The following PRKAG2 variants were observed in gnomAD, a reference collection of about 807,000 sequenced individuals.
The protein encoded by PRKAG2 is protein kinase AMP-activated non-catalytic subunit gamma 2.
PRKAG2 carries 26 observed loss-of-function variants against 69.6 expected under a neutral mutation model. The observed-to-expected ratio is 0.37, with a 90% CI of 0.27 to 0.52. The LOEUF (loss-of-function observed/expected upper bound fraction) is 0.52. PRKAG2 is among the 20% of genes least tolerant of loss of function. The pLI, the probability that PRKAG2 is intolerant of heterozygous loss-of-function variation, is 0.90. For synonymous variants in PRKAG2, 293 were observed against 285.0 expected (o/e 1.03, Z -0.28); for missense variants, 557 against 740.0 (o/e 0.75, Z 2.87).
At chr7:151,663,280 AAAG>A (rs1830581163) in intron 4 of PRKAG2, among the ~76,000 whole-genome samples, 9 of 152,296 alleles carry the variant, frequency 5.9e-5, no homozygotes, top group Admixed American at 5.2e-4. Context: ...AATCAGCCCA[AAAG>A]CAGAGTGTGT....
chr7:151,629,249 G>A (rs1039298426), intron 5 of PRKAG2, among the ~76,000 whole-genome samples: 10 of 152,116 alleles, frequency 6.6e-5, no homozygotes, highest in South Asian at 4.1e-4. Flanking sequence ...AAAGTTGGCC[G>A]GCCCATGTCC....
chr7:151,691,340 C>T (rs1307654972), intron 3 of PRKAG2, among the ~76,000 whole-genome samples: 1 of 151,790 alleles, frequency 6.6e-6, no homozygotes, highest in Non-Finnish European at 1.5e-5. Flanking sequence ...TATTTTTGAT[C>T]TGAATTGGTT....
intron 15 of PRKAG2, chr7:151,558,397 T>A: frequency 2.0e-6 from 2 of 985,434 alleles, no homozygotes; most frequent in Non-Finnish European, 2.4e-6. Context: ...ATGGCTTTTG[T>A]GCACGGCTTT....
At chr7:151,692,963 C>G (rs1860745) in intron 3 of PRKAG2, among the ~76,000 whole-genome samples, 1 of 151,992 alleles carries the variant, frequency 6.6e-6, no homozygotes, top group Non-Finnish European at 1.5e-5. Flanking sequence ...CTCCTGGAGA[C>G]AGCTGTGCTC....
At chr7:151,702,508 G>A (rs1011921429) in intron 3 of PRKAG2, among the ~76,000 whole-genome samples, 1 of 152,164 alleles carries the variant, frequency 6.6e-6, no homozygotes, top group Non-Finnish European at 1.5e-5. Flanking sequence ...CTGCCCACCC[G>A]CTTGCCTTCC....
At chr7:151,600,262 G>A (rs895183172) in intron 5 of PRKAG2, among the ~76,000 whole-genome samples, 3 of 152,158 alleles carry the variant, frequency 2.0e-5, no homozygotes, top group African/African-American at 4.8e-5. Context: ...AGCCCACACC[G>A]ATCTGTGCAT....
At chr7:151,675,729 G>A (rs1226784183) in intron 3 of PRKAG2, 92 bp from the exon 4 acceptor site, 3 of 1,269,954 alleles carry the variant, frequency 2.4e-6, no homozygotes, top group Non-Finnish European at 3.4e-6. Flanking sequence ...GAAGGGAGAT[G>A]GGGAGAGGTC....
At chr7:151,851,793 C>T (rs544623191) in intron 1 of PRKAG2, among the ~76,000 whole-genome samples, 1 of 152,234 alleles carries the variant, frequency 6.6e-6, no homozygotes, top group African/African-American at 2.4e-5. Context: ...GTCCAAAATG[C>T]CTTACTCTGT....
intron 3 of PRKAG2, among the ~76,000 whole-genome samples, chr7:151,733,779 C>G (rs1372975103): frequency 6.6e-6 from 1 of 151,904 alleles, no homozygotes; most frequent in Non-Finnish European, 1.5e-5. Context: ...TCACTGCAGC[C>G]TCCCCTCCCA....
intron 5 of PRKAG2, among the ~76,000 whole-genome samples, chr7:151,619,582 C>T (rs565017305): frequency 9.2e-5 from 14 of 151,958 alleles, no homozygotes; most frequent in African/African-American, 3.4e-4. Flanking sequence ...GTTTCATGCA[C>T]AAAGTTATTA....
At chr7:151,591,744 C>T (rs1813190594) in intron 6 of PRKAG2, among the ~76,000 whole-genome samples, 2 of 152,042 alleles carry the variant, frequency 1.3e-5, no homozygotes, top group African/African-American at 4.8e-5. Context: ...GCCTTAGGAC[C>T]CAGCAAGGTT....
In PRKAG2 at chr7:151,719,179, G is replaced by A. The variant is rs1034054315; in HGVS notation, c.467-43542C>T. On this transcript the variant is annotated intron_variant, in intron 3 of 15. Coordinates refer to ENST00000287878, the MANE Select transcript of PRKAG2 (RefSeq NM_016203.4). The surrounding 1 kb of genome is among the most constrained non-coding windows in gnomAD (Gnocchi z 5.2). ...AACCAGCTCAGCGGTGGAAGCAGTG[G>A]AAGTGCAGACAGAAAGCCCCATGGC... 5.9e-5 allele frequency among the ~76,000 whole-genome samples: 9 copies of A among 152,172 alleles called. No homozygotes were observed. The highest frequency in any genetic ancestry group is 2.2e-4 in the African/African-American group (9 of 41,452).
chr7:151,785,447 C>T (rs1055656203), intron 2 of PRKAG2, among the ~76,000 whole-genome samples: 12 of 152,244 alleles, frequency 7.9e-5, no homozygotes, highest in Non-Finnish European at 1.6e-4. Context: ...GCTGGATGGG[C>T]CACGAGAGCT....
intron 1 of PRKAG2, among the ~76,000 whole-genome samples, chr7:151,842,048 G>A (rs2079309210): frequency 7.0e-6 from 1 of 143,554 alleles, no homozygotes; most frequent in Non-Finnish European, 1.5e-5. Flanking sequence ...GGTAGTGATG[G>A]TAGGTAGGGA....
rs185312721 is a variant in PRKAG2, at chr7:151,693,992, C to T, written c.467-18355G>A. Among the ~76,000 whole-genome samples, 49 of 152,310 alleles carry T rather than the reference C, an allele frequency of 3.2e-4. No homozygotes were observed. The East Asian group carries it at 8.9e-3, about 28-fold the overall frequency. ...GTTCAAGCAATTCTTCTGCCTCAGCCTCCTGAGCAGCTGGGATTACAGTTG... is the reference window on the plus strand; with the variant it reads ...GTTCAAGCAATTCTTCTGCCTCAGCTTCCTGAGCAGCTGGGATTACAGTTG... On this transcript the variant is annotated intron_variant, in intron 3 of 15. Coordinates refer to ENST00000287878, the MANE Select transcript of PRKAG2 (RefSeq NM_016203.4).
intron 7 of PRKAG2, 133 bp from the exon 8 acceptor site, chr7:151,575,082 T>C: frequency 1.5e-6 from 2 of 1,295,946 alleles, no homozygotes; most frequent in Admixed American, 2.7e-5. Flanking sequence ...CAGAGTTTAA[T>C]ATATTATTTA....
chr7:151,707,664 CAGA>C (rs1355441758), intron 3 of PRKAG2, among the ~76,000 whole-genome samples: 1 of 152,192 alleles, frequency 6.6e-6, no homozygotes, highest in African/African-American at 2.4e-5. Context: ...ACCTCATCTC[CAGA>C]AGGAGTCCTG....
intron 4 of PRKAG2, among the ~76,000 whole-genome samples, chr7:151,653,791 G>A (rs1374184762): frequency 1.3e-5 from 2 of 152,172 alleles, no homozygotes; most frequent in African/African-American, 4.8e-5. Context: ...GCAGTGAGCT[G>A]AGATTGTGTC....
chr7:151,848,016 C>G (rs972295182), intron 1 of PRKAG2, among the ~76,000 whole-genome samples: 1 of 152,292 alleles, frequency 6.6e-6, no homozygotes, highest in Admixed American at 6.5e-5. Context: ...AAAGAGTGCC[C>G]GTGGCCCAGC....
Sources: gnomAD v4.1 joint callset for allele counts (sites outside exome capture counted in the v4.1 genomes callset) on GRCh38, gnomAD v4.1.1 for gene constraint, Gnocchi (gnomAD v3.1) non-coding constraint, MANE v1.5 for transcripts, NCBI Gene and HGNC (gene_info 2026-07-23, HGNC 2026-07-21) for gene names.